USH2A: variants seen among roughly 807,000 people sequenced by gnomAD.
USH2A encodes Usher syndrome 2A (autosomal recessive, mild).
Under a neutral mutation model 538.9 loss-of-function variants are expected in USH2A, and 443 were observed. The observed-to-expected ratio is 0.82, with a 90% CI of 0.76 to 0.89. USH2A has a LOEUF of 0.89. Among genes scored for constraint, USH2A ranks in the 40% least tolerant of loss-of-function variants. The pLI is 0.00. For synonymous variants in USH2A, 2,413 were observed against 2,273.5 expected, an observed-to-expected ratio of 1.06 and a Z score of -1.75; for missense variants, 6,633 against 6,324.8, an observed-to-expected ratio of 1.05 and a Z score of -1.65.
At chr1:216,253,819 G>A (rs994578293) in intron 11 of USH2A, among the ~76,000 whole-genome samples, 5 of 152,118 alleles carry the variant, frequency 3.3e-5, no homozygotes, top group African/African-American at 1.2e-4. Context: ...TCATTACTTT[G>A]CAATTCATAA....
intron 29 of USH2A, among the ~76,000 whole-genome samples, chr1:216,070,881 G>A (rs1308812951): frequency 6.6e-6 from 1 of 151,516 alleles, no homozygotes; most frequent in African/African-American, 2.4e-5. Context: ...TAAAGGAGCT[G>A]GTGCCTTTGA....
intron 35 of USH2A, 89 bp from the exon 36 acceptor site, chr1:215,970,865 A>G: frequency 1.5e-6 from 2 of 1,291,216 alleles, no homozygotes; most frequent in East Asian, 2.3e-5. Context: ...TGTGATTTCT[A>G]GTTTCATGGA....
chr1:216,106,017 G>A (rs987436083), intron 21 of USH2A, among the ~76,000 whole-genome samples: 2 of 150,888 alleles, frequency 1.3e-5, no homozygotes, highest in African/African-American at 4.9e-5. Flanking sequence ...AAATTATGTC[G>A]ATGACAAATA....
intron 4 of USH2A, among the ~76,000 whole-genome samples, chr1:216,360,088 T>A (rs1418352073): frequency 1.3e-5 from 2 of 152,144 alleles, no homozygotes; most frequent in African/African-American, 4.8e-5. Context: ...AAACTTATGT[T>A]CACACAAAAA....
At chr1:216,398,477 CT>C (rs2039253703) in intron 3 of USH2A, among the ~76,000 whole-genome samples, 1 of 152,018 alleles carries the variant, frequency 6.6e-6, no homozygotes, top group Non-Finnish European at 1.5e-5. Context: ...AAGAGAAAAC[CT>C]TTTTAGCAAA....
At chr1:215,825,359 CCA>C (rs1008910550) in intron 47 of USH2A, among the ~76,000 whole-genome samples, 9 of 152,044 alleles carry the variant, frequency 5.9e-5, no homozygotes, top group Admixed American at 5.3e-4. Context: ...CTCATCACTT[CCA>C]GTTGTCCCTT....
chr1:216,210,936 G>A (rs1002908911), intron 15 of USH2A, among the ~76,000 whole-genome samples: 7 of 145,988 alleles, frequency 4.8e-5, no homozygotes, highest in Non-Finnish European at 9.0e-5. Flanking sequence ...AGCCAAGATC[G>A]CCACTGCATT....
At chr1:216,072,063 G>C (rs1188124312) in intron 29 of USH2A, among the ~76,000 whole-genome samples, 2 of 152,134 alleles carry the variant, frequency 1.3e-5, no homozygotes, top group African/African-American at 4.8e-5. Context: ...TTAAGTATAA[G>C]AGAATACCTT....
chr1:215,827,120 A>T (rs2102805652), intron 47 of USH2A, among the ~76,000 whole-genome samples: 1 of 152,298 alleles, frequency 6.6e-6, no homozygotes, highest in African/African-American at 2.4e-5. Context: ...TTTAGGAAGA[A>T]AACAGGGCCA....
Position 215,759,738 on chromosome 1 carries a change from C to T in USH2A, c.11153G>A (p.Ser3718Asn). Reference protein sequence around the residue: ...PNGLVSQYQLSRNGNLLFLGG... With the variant: ...PNGLVSQYQLNRNGNLLFLGG... The stretch of plus-strand genomic sequence containing the variant: ...CAGGAAAAGCAAGTTTCCATTACGA[C>T]TCAATTGATATTGAGAAACGAGGCC... Residue 3718 changes from serine to asparagine, a missense_variant, in exon 57 of 72, where the codon AGT (serine) becomes AAT (asparagine). Physicochemically the swap from Ser to Asn is conservative, Grantham distance 46. Coordinates refer to ENST00000307340, the MANE Select transcript of USH2A (RefSeq NM_206933.4). 1 of 1,614,090 alleles carries T rather than the reference C, an allele frequency of 6.2e-7. No homozygotes were observed.
chr1:215,712,809 TTC>T (rs1213057913), intron 61 of USH2A, among the ~76,000 whole-genome samples: 2 of 149,426 alleles, frequency 1.3e-5, no homozygotes, highest in Non-Finnish European at 3.0e-5. Context: ...TTTTCTTTTG[TTC>T]TTTCTTTTAT....
intron 2 of USH2A, among the ~76,000 whole-genome samples, chr1:216,420,153 C>A (rs2102786086): frequency 6.6e-6 from 1 of 151,984 alleles, no homozygotes; most frequent in East Asian, 1.9e-4. Context: ...AGGTCTTAAC[C>A]TGAAAAGAGT....
At chr1:216,178,310 AT>A (rs1034120025) in intron 20 of USH2A, among the ~76,000 whole-genome samples, 1 of 152,062 alleles carries the variant, frequency 6.6e-6, no homozygotes, top group Non-Finnish European at 1.5e-5. Flanking sequence ...TTCTCTTAGC[AT>A]TTTTTTCTGC....
At chr1:215,662,564 G>C (rs1013584303) in intron 64 of USH2A, among the ~76,000 whole-genome samples, 1 of 152,204 alleles carries the variant, frequency 6.6e-6, no homozygotes. Context: ...ATGATCTCCC[G>C]TGGGAACAAA....
At chr1:215,941,281 C>T (rs908311292) in intron 37 of USH2A, among the ~76,000 whole-genome samples, 6 of 151,692 alleles carry the variant, frequency 4.0e-5, no homozygotes, top group African/African-American at 7.3e-5. Context: ...AAGTTCACTA[C>T]GATATATAAA....
intron 61 of USH2A, among the ~76,000 whole-genome samples, chr1:215,716,600 T>A (rs1318010327): frequency 1.3e-5 from 2 of 152,208 alleles, no homozygotes; most frequent in Admixed American, 1.3e-4. Context: ...AACATGTACA[T>A]CCGTTAAAAA....
chr1:216,384,341 C>A (rs1253818573), intron 3 of USH2A, among the ~76,000 whole-genome samples: 2 of 151,772 alleles, frequency 1.3e-5, no homozygotes, highest in African/African-American at 4.8e-5. Context: ...ATGTGGCTGG[C>A]TAATAAGCCT....
intron 9 of USH2A, among the ~76,000 whole-genome samples, chr1:216,310,791 T>C (rs1378436311): frequency 6.6e-6 from 1 of 152,226 alleles, no homozygotes; most frequent in Non-Finnish European, 1.5e-5. Context: ...CATTTTAAAA[T>C]TCGTGGTCAG....
chr1:215,757,355 T>C (rs772665328), intron 58 of USH2A, among the ~76,000 whole-genome samples: 16 of 152,196 alleles, frequency 1.1e-4, no homozygotes, highest in Non-Finnish European at 1.6e-4. Flanking sequence ...TTTTATGTAT[T>C]AGGTCTTTAC....
Sources: gnomAD v4.1 joint callset for allele counts (sites outside exome capture counted in the v4.1 genomes callset) on GRCh38, gnomAD v4.1.1 for gene constraint, MANE v1.5 for transcripts, NCBI Gene and HGNC (gene_info 2026-07-23, HGNC 2026-07-21) for gene names.